Variants in PTPRD observed in about 807,000 individuals in gnomAD.
The protein encoded by PTPRD is protein tyrosine phosphatase receptor type D.
Under a neutral mutation model 214.5 loss-of-function variants are expected in PTPRD, and 34 were observed. That is an observed-to-expected ratio of 0.16 (90% confidence interval 0.12 to 0.21). PTPRD has a LOEUF of 0.21. Ranked by LOEUF, PTPRD falls within the 10% of genes least tolerant of loss-of-function variation. The probability of loss-of-function intolerance (pLI) is 1.00; values close to 1 mark genes in which losing one functional copy is unlikely to be tolerated. For synonymous variants in PTPRD, 1,128 were observed against 845.7 expected, an observed-to-expected ratio of 1.33 and a Z score of -5.79; for missense variants, 2,545 against 2,398.7, an observed-to-expected ratio of 1.06 and a Z score of -1.27.
chr9:8,434,823 T>C (rs2095274956), intron 35 of PTPRD, among the ~76,000 whole-genome samples: 1 of 149,254 alleles, frequency 6.7e-6, no homozygotes, highest in Non-Finnish European at 1.5e-5. Context: ...AAACTCACTA[T>C]GGAGCCCTAA....
chr9:9,741,658 G>C (rs765746382), intron 6 of PTPRD, among the ~76,000 whole-genome samples: 3 of 152,046 alleles, frequency 2.0e-5, no homozygotes, highest in Non-Finnish European at 4.4e-5. Context: ...CCCTGCGTTG[G>C]TGTATTCTCA....
chr9:9,568,784 A>G (rs1311306205), intron 8 of PTPRD, among the ~76,000 whole-genome samples: 2 of 151,800 alleles, frequency 1.3e-5, no homozygotes, highest in East Asian at 1.9e-4. Context: ...GGATATACAC[A>G]TAGTATAGAG....
intron 8 of PTPRD, among the ~76,000 whole-genome samples, chr9:9,527,498 A>G (rs1210854141): frequency 1.3e-5 from 2 of 152,154 alleles, no homozygotes; most frequent in Non-Finnish European, 2.9e-5. Context: ...GTAATCAAAA[A>G]TTTGCTAGAT....
intron 5 of PTPRD, among the ~76,000 whole-genome samples, chr9:9,854,606 T>C (rs778118765): frequency 3.3e-5 from 5 of 152,196 alleles, no homozygotes; most frequent in Non-Finnish European, 5.9e-5. Context: ...TTATCATTTT[T>C]TGTACTTCTC....
intron 10 of PTPRD, among the ~76,000 whole-genome samples, chr9:9,088,130 C>T (rs957694743): frequency 6.6e-6 from 1 of 151,484 alleles, no homozygotes; most frequent in Non-Finnish European, 1.5e-5. Flanking sequence ...GATCTGCTCG[C>T]CTCAGCCTTC....
chr9:10,102,959 A>G (rs902955435), intron 3 of PTPRD, among the ~76,000 whole-genome samples: 35 of 151,680 alleles, frequency 2.3e-4, no homozygotes, highest in African/African-American at 8.2e-4. Flanking sequence ...CATTCCTTCA[A>G]TATCTCTTCT....
chr9:10,559,541 T>G (rs1304118793), intron 2 of PTPRD, among the ~76,000 whole-genome samples: 1 of 152,032 alleles, frequency 6.6e-6, no homozygotes. Context: ...AATTGAAATT[T>G]AATAAGAAGT....
Position 9,958,357 on chromosome 9 carries a change from C to T in PTPRD, c.-471-19747G>A, listed in dbSNP as rs527809952. On this transcript the variant is annotated intron_variant, in intron 4 of 45. Transcript: ENST00000381196. ...CCAGCCTGACCAACATGGTGAAACC[C>T]CATCTCTACTAAACATACAAAAAAT... 7.2e-5 allele frequency among the ~76,000 whole-genome samples: 11 copies of T among 152,216 alleles called. 1 individual carries two copies. In the South Asian group the frequency reaches 2.3e-3, roughly 32 times the overall value.
chr9:8,742,503 A>T (rs2092163448), intron 11 of PTPRD, among the ~76,000 whole-genome samples: 1 of 152,218 alleles, frequency 6.6e-6, no homozygotes, highest in African/African-American at 2.4e-5. Flanking sequence ...AATATCTGTA[A>T]AATACATTTA....
chr9:9,127,520 A>G (rs1019759537), intron 10 of PTPRD, among the ~76,000 whole-genome samples: 4 of 152,198 alleles, frequency 2.6e-5, no homozygotes, highest in Non-Finnish European at 4.4e-5. Context: ...TGTTTGGTAA[A>G]CAAAACTGAA....
chr9:9,492,985 G>C (rs1461489872), intron 8 of PTPRD, among the ~76,000 whole-genome samples: 3 of 145,726 alleles, frequency 2.1e-5, no homozygotes, highest in Admixed American at 7.1e-5. Flanking sequence ...TATGTGGTCT[G>C]ACTGCTCCAC....
At chr9:8,517,812 C>T in intron 21 of PTPRD, 36 bp downstream of exon 21, 2 of 1,556,176 alleles carry the variant, frequency 1.3e-6, no homozygotes, top group Non-Finnish European at 1.8e-6. Context: ...ACCAGCCCTT[C>T]CCTCCTGCCC....
At chr9:9,894,272 T>A (rs1054522387) in intron 5 of PTPRD, among the ~76,000 whole-genome samples, 42 of 152,178 alleles carry the variant, frequency 2.8e-4, no homozygotes, top group African/African-American at 9.6e-4. Flanking sequence ...AGATTTCTTC[T>A]GGAAAGCAAT....
At chr9:8,583,867 T>C (rs1210642256) in intron 14 of PTPRD, among the ~76,000 whole-genome samples, 1 of 152,182 alleles carries the variant, frequency 6.6e-6, no homozygotes, top group African/African-American at 2.4e-5. Context: ...AAAAGCAAAG[T>C]TCAGCTGGGT....
intron 3 of PTPRD, among the ~76,000 whole-genome samples, chr9:10,306,332 G>T (rs1057472516): frequency 2.6e-5 from 4 of 151,904 alleles, no homozygotes; most frequent in Non-Finnish European, 4.4e-5. Context: ...TAGATTGCGG[G>T]TTGATTGGTG....
intron 10 of PTPRD, among the ~76,000 whole-genome samples, chr9:9,083,951 G>T (rs1212932874): frequency 6.6e-6 from 1 of 152,152 alleles, no homozygotes; most frequent in Admixed American, 6.5e-5. Flanking sequence ...TTACACTGTT[G>T]GTGGGAGTGT....
intron 2 of PTPRD, among the ~76,000 whole-genome samples, chr9:10,418,002 T>C (rs1336728223): frequency 6.6e-6 from 1 of 151,534 alleles, no homozygotes; most frequent in Non-Finnish European, 1.5e-5. Context: ...TAATGACATC[T>C]CCTAAAGCAG....
chr9:8,893,050 G>A (rs1345751123), intron 11 of PTPRD, among the ~76,000 whole-genome samples: 2 of 152,132 alleles, frequency 1.3e-5, no homozygotes, highest in South Asian at 2.1e-4. Flanking sequence ...AGTTTTCTAA[G>A]AAGTTTGATG....
chr9:9,439,868 C>G (rs1588464455), intron 8 of PTPRD, among the ~76,000 whole-genome samples: 1 of 152,112 alleles, frequency 6.6e-6, no homozygotes, highest in East Asian at 1.9e-4. Flanking sequence ...GAAACTAAGT[C>G]CTATAGTGAG....
Sources: gnomAD v4.1 joint callset for allele counts (sites outside exome capture counted in the v4.1 genomes callset) on GRCh38, gnomAD v4.1.1 for gene constraint, MANE v1.5 for transcripts, NCBI Gene and HGNC (gene_info 2026-07-23, HGNC 2026-07-21) for gene names.